Variants in LCOR observed in about 807,000 individuals in gnomAD.
The protein encoded by LCOR is ligand dependent nuclear receptor corepressor.
A neutral mutation model predicts 64.4 loss-of-function variants in LCOR; 14 were observed. The ratio of observed to expected loss-of-function variants is 0.22; its 90% CI spans 0.14 to 0.34. LCOR has a LOEUF of 0.34. LCOR is among the 10% of genes least tolerant of loss of function. LCOR has a pLI of 1.00. For synonymous variants in LCOR, 643 were observed against 642.5 expected (o/e 1.00, Z -0.01); for missense variants, 1,686 against 1,765.3 (o/e 0.96, Z 0.80).
At chr10:96,915,478 G>T (rs1374520395) in intron 4 of LCOR, among the ~76,000 whole-genome samples, 1 of 152,164 alleles carries the variant, frequency 6.6e-6, no homozygotes, top group Non-Finnish European at 1.5e-5. Context: ...CCGAGATTGC[G>T]CCACTGCACT....
chr10:96,946,494 A>G (rs891022882), intron 5 of LCOR, among the ~76,000 whole-genome samples: 7 of 152,020 alleles, frequency 4.6e-5, no homozygotes, highest in African/African-American at 1.7e-4. Flanking sequence ...TAAAAAAGTT[A>G]GATTTGCATT....
chr10:96,956,880 G>C, intron 7 of LCOR: 1 of 985,110 alleles, frequency 1.0e-6, no homozygotes, highest in Non-Finnish European at 1.2e-6. Flanking sequence ...ACTAGACTAA[G>C]ATATTCAAGA....
chr10:96,877,883 T>G (rs1846196664), intron 2 of LCOR, among the ~76,000 whole-genome samples: 1 of 152,140 alleles, frequency 6.6e-6, no homozygotes, highest in African/African-American at 2.4e-5. Flanking sequence ...AGTGTTGGGA[T>G]TACAGGCGTG....
At position 96,966,220 on chromosome 10, in the gene LCOR, C is replaced by CTTTT. The variant is rs34210121; in HGVS notation, c.332+14047_332+14050dup. On this transcript the variant is annotated intron_variant, in intron 7 of 7. Coordinates refer to ENST00000421806, the MANE Select transcript of LCOR (RefSeq NM_001346516.2). ...TGGGGATTTTTCCCCCCAAAGGACT[C>CTTTT]TTTTTTTTTTTTTTTTTTTTTTTTT... Among the ~76,000 whole-genome samples the CTTTT allele has an allele frequency of 4.2e-4, 23 of 55,146 alleles. 1 individual carries two copies. The highest frequency in any genetic ancestry group is 8.2e-4 in the African/African-American group (10 of 12,166). 36.2% of individuals were successfully genotyped at this position (55,146 alleles called of 152,430 possible).
At chr10:96,874,755 A>G (rs1359230715) in intron 2 of LCOR, among the ~76,000 whole-genome samples, 2 of 151,680 alleles carry the variant, frequency 1.3e-5, no homozygotes, top group African/African-American at 4.8e-5. Flanking sequence ...CTCCTGCCTC[A>G]GCCTCCTGAG....
chr10:96,945,029 A>G (rs1347727802), intron 5 of LCOR, among the ~76,000 whole-genome samples: 5 of 152,164 alleles, frequency 3.3e-5, no homozygotes, highest in Non-Finnish European at 7.4e-5. Flanking sequence ...GAAATTCTAA[A>G]TGGATTTATA....
chr10:96,920,642 GTGTATATA>G (rs1847049711), intron 4 of LCOR, among the ~76,000 whole-genome samples: 1 of 138,402 alleles, frequency 7.2e-6, no homozygotes, highest in African/African-American at 2.9e-5. Context: ...ATTCATATAT[GTGTATATA>G]TGTGTATATA....
chr10:96,884,009 CA>C (rs1191177088), intron 2 of LCOR, among the ~76,000 whole-genome samples: 1 of 151,908 alleles, frequency 6.6e-6, no homozygotes, highest in African/African-American at 2.4e-5. Flanking sequence ...TACCATATAA[CA>C]TATTTCAAAT....
In LCOR at chr10:96,984,912, G is replaced by A. The variant is rs1481445036; in HGVS notation, c.4452G>A (p.Gln1484=). The A allele has an allele frequency of 6.2e-7, 1 of 1,613,940 alleles. No homozygotes were observed. The highest frequency in any genetic ancestry group is 2.2e-5 in the East Asian group (1 of 44,884). ...AGAATACAAACAAAAGGCCTTCCCA[G>A]TCTATTGCCTCGGAAACACTGACGA... ...EKENTNKRPS[Q]SIASETLTKP... is the part of the protein sequence containing the mutation. The change falls in exon 8 of 8, where the codon CAG becomes CAA. Residue 1484 remains glutamine (Q), a synonymous_variant. Transcript: ENST00000421806.
At chr10:96,891,466 A>C (rs1353987792) in intron 2 of LCOR, among the ~76,000 whole-genome samples, 1 of 94,614 alleles carries the variant, frequency 1.1e-5, no homozygotes, top group African/African-American at 4.0e-5. Context: ...GTTCATTGAT[A>C]CTGATTTTTC....
In LCOR at chr10:96,956,715, C is replaced by T. The variant is rs1003872500; in HGVS notation, c.332+4519C>T. On this transcript the variant is annotated intron_variant, in intron 7 of 7. Coordinates refer to ENST00000421806, the MANE Select transcript of LCOR (RefSeq NM_001346516.2). ...TCTCACCAACAAGTGAGGATATAGC[C>T]TTATCTCATGGAGGACGAGCTCCGT... 7 of 985,634 alleles carry T rather than the reference C, an allele frequency of 7.1e-6. No homozygotes were observed. In the African/African-American group the frequency reaches 8.7e-5, roughly 12 times the overall value. 61.1% of individuals were successfully genotyped at this position (985,634 alleles called of 1,614,324 possible). A position where few individuals can be genotyped will look rare whatever the true frequency, so the allele number is the denominator to read the frequency against.
intron 2 of LCOR, among the ~76,000 whole-genome samples, chr10:96,869,082 T>A (rs1028320678): frequency 3.3e-5 from 5 of 152,122 alleles, no homozygotes; most frequent in Non-Finnish European, 7.4e-5. Context: ...ATTTTTATAT[T>A]TTTAGTAGAT....
At chr10:96,965,611 G>A (rs916857614) in intron 7 of LCOR, among the ~76,000 whole-genome samples, 6 of 141,940 alleles carry the variant, frequency 4.2e-5, no homozygotes, top group African/African-American at 1.6e-4. Context: ...GCAGTGAGCT[G>A]AGATCGCGCC....
chr10:96,944,087 A>C, intron 4 of LCOR, 26 bp from the exon 5 acceptor site: 3 of 985,490 alleles, frequency 3.0e-6, no homozygotes, highest in Non-Finnish European at 3.6e-6. Context: ...ACGTGTGTGC[A>C]ACTATTTCAC....
chr10:96,950,256 CTTTCTTTTGAGTAGT>C (rs1015147852), intron 6 of LCOR, among the ~76,000 whole-genome samples: 3 of 151,984 alleles, frequency 2.0e-5, no homozygotes, highest in African/African-American at 7.3e-5. Context: ...TTGAAATGAA[CTTTCTTTTGAGTAGT>C]TTTCCTTTGC....
At chr10:96,837,497 C>T (rs909938127) in intron 2 of LCOR, among the ~76,000 whole-genome samples, 2 of 151,004 alleles carry the variant, frequency 1.3e-5, no homozygotes, top group African/African-American at 4.9e-5. Flanking sequence ...ACCTCGTGAT[C>T]CACCACCTCG....
At chr10:96,955,793 C>T in intron 7 of LCOR, 1 of 1,614,126 alleles carries the variant, frequency 6.2e-7, no homozygotes, top group Admixed American at 1.7e-5. Context: ...AGAGGCTGGG[C>T]ACTTTGAAAA....
At chr10:96,932,361 A>G (rs886607201) in intron 4 of LCOR, among the ~76,000 whole-genome samples, 39 of 152,200 alleles carry the variant, frequency 2.6e-4, no homozygotes, top group African/African-American at 9.2e-4. Flanking sequence ...AAAGGAAAAA[A>G]CTATATAAGA....
intron 4 of LCOR, among the ~76,000 whole-genome samples, chr10:96,916,607 C>A (rs12251684): frequency 0.084 from 11,605 of 138,550 alleles, 960 homozygotes; most frequent in South Asian, 0.23. Flanking sequence ...ATATATATAT[C>A]TATATATATG....
Sources: allele counts gnomAD v4.1 joint callset (sites outside exome capture counted in the v4.1 genomes callset), GRCh38; gene constraint gnomAD v4.1.1; transcripts MANE v1.5; gene names NCBI Gene and HGNC (gene_info 2026-07-23, HGNC 2026-07-21).